ROBO1: variants seen among roughly 807,000 people sequenced by gnomAD.
The protein encoded by ROBO1 is roundabout homolog 1.
A neutral mutation model predicts 195.9 loss-of-function variants in ROBO1; 149 were observed. The observed-to-expected ratio is 0.76, with a 90% CI of 0.67 to 0.87. ROBO1 has a LOEUF of 0.87. Among genes scored for constraint, ROBO1 ranks in the 40% least tolerant of loss-of-function variants. ROBO1 has a pLI of 0.00. For missense variants in ROBO1, 1,933 were observed against 2,068.3 expected (o/e 0.93, Z 1.27); for synonymous variants, 816 against 733.2 (o/e 1.11, Z -1.82).
intron 2 of ROBO1, among the ~76,000 whole-genome samples, chr3:79,492,013 G>A (rs1939483597): frequency 6.6e-6 from 1 of 150,874 alleles, no homozygotes. Context: ...TTATTTTTTG[G>A]TTGTAACTTA....
At chr3:78,932,888 AT>A (rs994076973) in intron 4 of ROBO1, among the ~76,000 whole-genome samples, 5 of 152,240 alleles carry the variant, frequency 3.3e-5, no homozygotes, top group East Asian at 1.9e-4. Flanking sequence ...TAATTTTAGA[AT>A]TTTTTTATAA....
chr3:79,462,898 A>G lies in ROBO1; in HGVS notation c.88+126926T>C, dbSNP rs1273922617. On this transcript the variant is annotated intron_variant, in intron 2 of 30. Transcript: ENST00000464233. ...GTTACTATTTACACAAACTGCGTAT[A>G]GTATACGTAGATACACTATTGCTAT... Among the ~76,000 whole-genome samples the G allele has an allele frequency of 3.9e-5, 6 of 152,248 alleles. No individual in the cohort carries two copies. The South Asian group carries it at 1.2e-3, about 31-fold the overall frequency.
chr3:79,334,180 G>A (rs1277524827), intron 2 of ROBO1, among the ~76,000 whole-genome samples: 2 of 151,606 alleles, frequency 1.3e-5, no homozygotes, highest in Non-Finnish European at 2.9e-5. Context: ...TGGTGCACCT[G>A]TAATCCCAGC....
At chr3:79,752,492 A>G (rs1439197024) in intron 1 of ROBO1, among the ~76,000 whole-genome samples, 1 of 152,112 alleles carries the variant, frequency 6.6e-6, no homozygotes, top group African/African-American at 2.4e-5. Context: ...GCTTATAGAA[A>G]GGGCTTTAGA....
chr3:78,777,732 C>T lies in ROBO1; in HGVS notation c.500-30832G>A, dbSNP rs975266714. ...GTATCCTGAGACTTTGCTGAAGTTG[C>T]TTATTGGGTTAAGGAAATATATAAA... On this transcript the variant is annotated intron_variant, in intron 4 of 30. Coordinates refer to ENST00000464233, the MANE Select transcript of ROBO1 (RefSeq NM_002941.4). Among the ~76,000 whole-genome samples the T allele has an allele frequency of 7.2e-5, 11 of 152,208 alleles. No homozygotes were observed. The South Asian group carries it at 2.3e-3, about 32-fold the overall frequency.
At chr3:79,660,823 T>TC (rs1185298601) in intron 1 of ROBO1, among the ~76,000 whole-genome samples, 3 of 152,088 alleles carry the variant, frequency 2.0e-5, no homozygotes, top group African/African-American at 7.2e-5. Flanking sequence ...AGCAGACTCC[T>TC]CAGAAGTCAG....
rs963768010 is a variant in ROBO1, at chr3:79,434,956, C to T, written c.88+154868G>A. Among the ~76,000 whole-genome samples the T allele has an allele frequency of 1.1e-4, 17 of 152,110 alleles. No homozygotes were observed. The East Asian group carries it at 2.9e-3, about 26-fold the overall frequency. On this transcript the variant is annotated intron_variant, in intron 2 of 30. Transcript: ENST00000464233. ...GAAACCATCATTCTCAGCAAACTAT[C>T]GCAAGGACAAAAAACCAAACACCGC...
At position 78,717,903 on chromosome 3, in the gene ROBO1, A is replaced by C. The variant is rs1437882607; in HGVS notation, c.658-20T>G. ...TCGTATCTTAAAAAAAAAGTTTCAC[A>C]GGAATACTATTAAAATTGCTTCAGC... On this transcript the variant is annotated intron_variant, in intron 5 of 30. Transcript: ENST00000464233. 7 of 1,611,604 alleles carry C rather than the reference A, an allele frequency of 4.3e-6. No homozygotes were observed. In the African/African-American group the frequency reaches 8.0e-5, roughly 18 times the overall value.
chr3:79,758,412 T>G (rs1390285807), intron 1 of ROBO1, among the ~76,000 whole-genome samples: 1 of 152,186 alleles, frequency 6.6e-6, no homozygotes, highest in Non-Finnish European at 1.5e-5. Flanking sequence ...AGTACAAGTT[T>G]AGATAAATAC....
intron 8 of ROBO1, among the ~76,000 whole-genome samples, chr3:78,699,593 T>TAA (rs930154655): frequency 3.7e-4 from 56 of 149,720 alleles, no homozygotes; most frequent in Admixed American, 1.2e-3. Context: ...AATAATAATA[T>TAA]TAATAATAAT....
At chr3:79,028,915 C>G (rs992488068) in intron 3 of ROBO1, among the ~76,000 whole-genome samples, 1 of 151,992 alleles carries the variant, frequency 6.6e-6, no homozygotes, top group African/African-American at 2.4e-5. Flanking sequence ...AAACTCTTTT[C>G]TTTTAGTAAG....
At position 78,747,904 on chromosome 3, in the gene ROBO1, T is replaced by A. The variant is rs983229190; in HGVS notation, c.500-1004A>T. On this transcript the variant is annotated intron_variant, in intron 4 of 30. Coordinates refer to ENST00000464233, the MANE Select transcript of ROBO1 (RefSeq NM_002941.4). ...TAGTCTTAAATACAACTCTGTTGTA[T>A]ACTAGACATGCAATCTTGAACATAA... Among the ~76,000 whole-genome samples the A allele has an allele frequency of 2.6e-5, 4 of 152,316 alleles. No individual in the cohort carries two copies. The East Asian group carries it at 5.8e-4, about 22-fold the overall frequency.
intron 4 of ROBO1, among the ~76,000 whole-genome samples, chr3:78,819,431 G>A (rs1175335063): frequency 2.1e-5 from 3 of 139,710 alleles, no homozygotes; most frequent in African/African-American, 7.9e-5. Context: ...TATGGAATAC[G>A]TGTCCATATT....
chr3:79,520,336 A>C (rs1010402252), intron 2 of ROBO1, among the ~76,000 whole-genome samples: 14 of 152,154 alleles, frequency 9.2e-5, no homozygotes, highest in African/African-American at 3.4e-4. Context: ...AAATGATAAG[A>C]AATTAAGAGT....
intron 1 of ROBO1, among the ~76,000 whole-genome samples, chr3:79,732,418 A>G (rs1703192706): frequency 6.6e-6 from 1 of 152,286 alleles, no homozygotes; most frequent in East Asian, 1.9e-4. Context: ...AAGGAAATAG[A>G]ATAGCTGTTC....
intron 8 of ROBO1, among the ~76,000 whole-genome samples, chr3:78,712,852 C>T (rs1031257916): frequency 1.4e-4 from 21 of 152,168 alleles, no homozygotes; most frequent in Admixed American, 1.3e-4. Context: ...AGTAGAATAG[C>T]TGTTAGTTAT....
intron 3 of ROBO1, among the ~76,000 whole-genome samples, chr3:79,111,437 G>C (rs973390207): frequency 2.0e-5 from 3 of 152,170 alleles, no homozygotes; most frequent in African/African-American, 7.2e-5. Context: ...TTGCCAGCAG[G>C]AAGAGCCCTT....
At chr3:78,871,778 G>A (rs1323343703) in intron 4 of ROBO1, among the ~76,000 whole-genome samples, 1 of 148,420 alleles carries the variant, frequency 6.7e-6, no homozygotes, top group African/African-American at 2.5e-5. Flanking sequence ...GTAAAGCTAG[G>A]TTTCTGGTTT....
chr3:79,109,600 C>G (rs546342227), intron 3 of ROBO1, among the ~76,000 whole-genome samples: 5 of 151,974 alleles, frequency 3.3e-5, no homozygotes, highest in Non-Finnish European at 5.9e-5. Flanking sequence ...TTATTACTTA[C>G]GCATGGTTCT....
Sources: gnomAD v4.1 joint callset for allele counts (sites outside exome capture counted in the v4.1 genomes callset) on GRCh38, gnomAD v4.1.1 for gene constraint, MANE v1.5 for transcripts, NCBI Gene and HGNC (gene_info 2026-07-23, HGNC 2026-07-21) for gene names.